MUC5B: variants seen among roughly 807,000 people sequenced by gnomAD.
The protein encoded by MUC5B is mucin-5B.
Under a neutral mutation model 376.9 loss-of-function variants are expected in MUC5B, and 116 were observed. The observed-to-expected ratio is 0.31, with a 90% CI of 0.26 to 0.36. MUC5B has a LOEUF of 0.36. Ranked by LOEUF, MUC5B falls within the 10% of genes least tolerant of loss-of-function variation. MUC5B has a pLI of 1.00. For missense variants in MUC5B, 7,165 were observed against 7,769.9 expected (o/e 0.92, Z 2.93); for synonymous variants, 3,517 against 3,390.9 (o/e 1.04, Z -1.29).
rs77996005 is a variant in MUC5B at position 1,237,056 on chromosome 11, C to T, written c.3189C>T (p.Asp1063=). ...NSWKLSPSCP[D]ALAPKDPCTA... is the part of the protein sequence containing the mutation. ...GGAAGCTCTCCCCCTCCTGCCCGGA[C>T]GCCCTGGCACCCAAGGACCCCTGCA... Residue 1063 remains aspartate, a synonymous_variant, in exon 25 of 49, where the codon GAC becomes GAT. Transcript: ENST00000529681. The T allele has an allele frequency of 1.0e-4, 164 of 1,581,194 alleles. No homozygotes were observed. Among genetic ancestry groups the T allele is most frequent in the South Asian group, 2.9e-4 (25 of 86,468 alleles).
At position 1,227,014 on chromosome 11, in the gene MUC5B, C is replaced by T; in HGVS notation, c.462-17C>T. 3.1e-6 allele frequency: 5 copies of T among 1,598,478 alleles called. No individual in the cohort carries two copies. Among genetic ancestry groups the T allele is most frequent in the Non-Finnish European group, 3.4e-6 (4 of 1,171,928 alleles). The stretch of plus-strand genomic sequence containing the variant: ...CAGGAGAGCGGGGCCCAGGGAGAGA[C>T]CCCGCTGTCTGCGCAGGGAGGAGCT... On this transcript the variant is annotated splice_polypyrimidine_tract_variant and intron_variant, in intron 4 of 48. Transcript: ENST00000529681.
In MUC5B at chr11:1,249,839, C is replaced by G; in HGVS notation, c.12959C>G (p.Ala4320Gly). The change falls in exon 31 of 49, where the codon GCT (alanine) becomes GGT (glycine). Residue 4320 changes from alanine to glycine, a missense_variant. Transcript: ENST00000529681. ...VLTSTATKSTATSVTPIPSST... is the reference protein window; with the variant it reads ...VLTSTATKSTGTSVTPIPSST... ...ACAAGCACAGCCACCAAATCCACAG[C>G]TACCAGCGTTACACCCATCCCCTCC... 6.2e-7 allele frequency: 1 copy of G among 1,613,712 alleles called. No homozygotes were observed. Among genetic ancestry groups the G allele is most frequent in the Non-Finnish European group, 8.5e-7 (1 of 1,179,812 alleles).
In MUC5B at chr11:1,233,269, G is replaced by T. The variant is rs1396680236; in HGVS notation, c.2321+1G>T. ...TGGTGCACGACGAGGGCGCCGTGTG[G>T]TAAGGGTCTGGGGGGAAAGCAGGCC... On this transcript the variant is annotated splice_donor_variant, in intron 18 of 48. Transcript: ENST00000529681. LOFTEE classifies it high-confidence loss of function. 1 of 1,556,288 alleles carries T rather than the reference G, an allele frequency of 6.4e-7. No homozygotes were observed. Among genetic ancestry groups the T allele is most frequent in the Non-Finnish European group, 8.7e-7 (1 of 1,152,780 alleles).
In MUC5B at chr11:1,250,013, C is replaced by T. The variant is rs780671376; in HGVS notation, c.13133C>T (p.Ser4378Phe). The change falls in exon 31 of 49, where the codon TCC (serine) becomes TTC (phenylalanine). Residue 4378 changes from serine (S) to phenylalanine (F), a missense_variant. Physicochemically the swap from Ser to Phe is radical, Grantham distance 155 (BLOSUM62 -2). Coordinates refer to ENST00000529681, the MANE Select transcript of MUC5B (RefSeq NM_002458.3). ...GCCACCACGACAAGGGCCACCAGTT[C>T]CACGTCCACCCCCTCCTCCACTCCG... ...TKATTTRATSSTSTPSSTPGT... is the reference protein window; with the variant it reads ...TKATTTRATSFTSTPSSTPGT... The T allele has an allele frequency of 6.2e-7, 1 of 1,612,456 alleles. No individual in the cohort carries two copies.
rs371328351 is a variant in MUC5B at position 1,241,125 on chromosome 11, G to A, written c.4245G>A (p.Pro1415=). ...LMCANSQQSP[P]LCHDYELRVL... ...GCGCCAACAGCCAACAGAGTCCCCC[G>A]CTCTGTCACGACTACGAGCTGCGGG... The change falls in exon 31 of 49, where the codon CCG becomes CCA. Residue 1415 remains proline, a synonymous_variant. Transcript: ENST00000529681. The A allele has an allele frequency of 3.8e-5, 61 of 1,611,430 alleles. No individual in the cohort carries two copies. The highest frequency in any genetic ancestry group is 4.7e-5 in the Non-Finnish European group (56 of 1,179,098).
intron 29 of MUC5B, 34 bp from the exon 30 acceptor site, chr11:1,240,144 A>G (rs1590175772): frequency 6.4e-7 from 1 of 1,573,430 alleles, no homozygotes; most frequent in Non-Finnish European, 8.7e-7. Context: ...AGGGGCTCGG[A>G]GGCCCTGGGT....
At position 1,247,299 on chromosome 11, in the gene MUC5B, G is replaced by A. The variant is rs778436877; in HGVS notation, c.10419G>A (p.Ser3473=). ...ACACGGTGCGCACAGCCTGGACTTCGGCCACCTCGGGCATCTTGGGCACCA... is the reference window on the plus strand; with the variant it reads ...ACACGGTGCGCACAGCCTGGACTTCAGCCACCTCGGGCATCTTGGGCACCA... ...SPHTVRTAWT[S]ATSGILGTTH... The change falls in exon 31 of 49, where the codon TCG becomes TCA. Residue 3473 remains serine (S), a synonymous_variant. Coordinates refer to ENST00000529681, the MANE Select transcript of MUC5B (RefSeq NM_002458.3). 27 of 1,611,344 alleles carry A rather than the reference G, an allele frequency of 1.7e-5. No homozygotes were observed. Among genetic ancestry groups the A allele is most frequent in the Middle Eastern group, 2.1e-4 (1 of 4,670 alleles).
chr11:1,252,613 C>T (rs1175613573), intron 32 of MUC5B, 89 bp downstream of exon 32: 40 of 1,405,928 alleles, frequency 2.8e-5, no homozygotes, highest in Admixed American at 1.9e-4. Flanking sequence ...TCCCGAGGCC[C>T]GTCTCAGTGA....
At chr11:1,238,672 G>A (rs750112917) in intron 25 of MUC5B, among the ~76,000 whole-genome samples, 199 bp from the exon 26 acceptor site, 1 of 152,192 alleles carries the variant, frequency 6.6e-6, no homozygotes, top group Non-Finnish European at 1.5e-5. Flanking sequence ...AGGTGGACGA[G>A]GGCACAGGTG....
At position 1,250,884 on chromosome 11, in the gene MUC5B, C is replaced by G. The variant is rs754993746; in HGVS notation, c.14004C>G (p.Ser4668=). 1 of 1,590,152 alleles carries G rather than the reference C, an allele frequency of 6.3e-7. No individual in the cohort carries two copies. Among genetic ancestry groups the G allele is most frequent in the Admixed American group, 1.8e-5 (1 of 55,366 alleles). Residue 4668 remains serine (S), a synonymous_variant, in exon 31 of 49, where the codon TCC becomes TCG. Transcript: ENST00000529681. ...TVATGSMATP[S]SSTQTSGTPP... is the part of the protein sequence containing the mutation. ...CCACTGGTTCTATGGCAACACCCTCCTCTAGCACACAGACCAGTGGTACTC... is the reference window on the plus strand; with the variant it reads ...CCACTGGTTCTATGGCAACACCCTCGTCTAGCACACAGACCAGTGGTACTC...
rs369715949 is a variant in MUC5B at position 1,246,174 on chromosome 11, C to T, written c.9294C>T (p.Ser3098=). The T allele has an allele frequency of 1.1e-5, 17 of 1,612,858 alleles. No homozygotes were observed. The highest frequency in any genetic ancestry group is 1.3e-5 in the Non-Finnish European group (15 of 1,179,608). The change falls in exon 31 of 49, where the codon TCC becomes TCT. Residue 3098 remains serine, a synonymous_variant. Transcript: ENST00000529681. The part of the protein sequence containing the change: ...MATMSTIHPS[S]TPETTHTSTV... ...CCATGTCCACAATCCACCCCTCCTC[C>T]ACTCCGGAGACCACCCACACCTCCA... is the stretch of plus-strand genomic sequence containing the variant.
chr11:1,254,866 C>G lies in MUC5B; in HGVS notation c.15650C>G (p.Thr5217Ser), dbSNP rs762219674. The G allele has an allele frequency of 5.6e-6, 9 of 1,611,556 alleles. No homozygotes were observed. The highest frequency in any genetic ancestry group is 7.6e-6 in the Non-Finnish European group (9 of 1,179,674). The change falls in exon 35 of 49, where the codon ACC becomes AGC. Residue 5217 changes from threonine to serine, a missense_variant. Coordinates refer to ENST00000529681, the MANE Select transcript of MUC5B (RefSeq NM_002458.3). Reference sequence around the variant, plus strand: ...CCCTACAGCCTCTTCCACAACAACACCGAGGGCCAGTGCGGTGAGTGGGCG... The same window carrying G: ...CCCTACAGCCTCTTCCACAACAACAGCGAGGGCCAGTGCGGTGAGTGGGCG... ...RLPYSLFHNN[T>S]EGQCGTCTNN...
chr11:1,256,902 C>T (rs1013105252), intron 39 of MUC5B, 131 bp downstream of exon 39: 18 of 713,698 alleles, frequency 2.5e-5, no homozygotes, highest in Non-Finnish European at 3.8e-5. Flanking sequence ...TGTTCTGCCC[C>T]ACCAGAGCAT....
intron 5 of MUC5B, 72 bp downstream of exon 5, chr11:1,227,217 C>G: frequency 6.4e-7 from 1 of 1,572,530 alleles, no homozygotes; most frequent in Non-Finnish European, 8.7e-7. Flanking sequence ...CGAGGGATGC[C>G]TCCCTGGGCT....
rs575001937 is a variant in MUC5B at position 1,239,550 on chromosome 11, C to T, written c.3567C>T (p.Asp1189=). 4.7e-5 allele frequency: 75 copies of T among 1,579,268 alleles called. 1 individual carries two copies. The South Asian group carries it at 8.6e-4, about 18-fold the overall frequency. Reference sequence around the variant, plus strand: ...ACCCCAGTGGGCACTGCCTGGTGGACCTGCCTGGCCTGGAAGGTGAGGGGC... The same window carrying T: ...ACCCCAGTGGGCACTGCCTGGTGGATCTGCCTGGCCTGGAAGGTGAGGGGC... ...CRNPSGHCLV[D]LPGLEGCYPK... is the part of the protein sequence containing the mutation. Residue 1189 remains aspartate, a synonymous_variant, in exon 27 of 49, where the codon GAC becomes GAT. Coordinates refer to ENST00000529681, the MANE Select transcript of MUC5B (RefSeq NM_002458.3).
At chr11:1,252,313 C>T (rs1429693100) in intron 31 of MUC5B, 30 bp from the exon 32 acceptor site, 3 of 1,521,778 alleles carry the variant, frequency 2.0e-6, no homozygotes, top group Admixed American at 2.1e-5. Context: ...CTGGGAGTGG[C>T]TTATCTTTCT....
Position 1,253,236 on chromosome 11 carries a change from C to T in MUC5B, c.15217+256C>T, listed in dbSNP as rs1311317478. On this transcript the variant is annotated intron_variant, in intron 33 of 48. Transcript: ENST00000529681. The surrounding 1 kb of genome is among the most constrained non-coding windows in gnomAD (Gnocchi z 4.3). The stretch of plus-strand genomic sequence containing the variant: ...TGTCTTGGGCCTCAGTGGTGCACGT[C>T]GTGAGAGCTGTTAGTATGCAGGCTC... Among the ~76,000 whole-genome samples, 3 of 152,176 alleles carry T rather than the reference C, an allele frequency of 2.0e-5. No homozygotes were observed. Among genetic ancestry groups the T allele is most frequent in the Admixed American group, 6.5e-5 (1 of 15,280 alleles).
rs1234415552 is a variant in MUC5B, at chr11:1,249,054, C to A, written c.12174C>A (p.Thr4058=). 5.0e-6 allele frequency: 8 copies of A among 1,610,814 alleles called. No individual in the cohort carries two copies. The highest frequency in any genetic ancestry group is 5.9e-6 in the Non-Finnish European group (7 of 1,179,434). ...TSHTPAATTG[T]TQHSTPALSS... Reference sequence around the variant, plus strand: ...ACACCCCAGCAGCAACCACCGGTACCACCCAGCACTCGACTCCAGCCCTGT... The same window carrying A: ...ACACCCCAGCAGCAACCACCGGTACAACCCAGCACTCGACTCCAGCCCTGT... Residue 4058 remains threonine (T), a synonymous_variant, in exon 31 of 49, where the codon ACC becomes ACA. Transcript: ENST00000529681.
Position 1,241,194 on chromosome 11 carries a change from A to C in MUC5B, c.4314A>C (p.Pro1438=), listed in dbSNP as rs1862274689. 6.3e-7 allele frequency: 1 copy of C among 1,594,606 alleles called. No individual in the cohort carries two copies. Among genetic ancestry groups the C allele is most frequent in the Admixed American group, 1.8e-5 (1 of 56,986 alleles). ...EYVPCGPSPA[P]GTSPQPSLSA... ...TGCCCTGTGGCCCCTCCCCGGCCCC[A>C]GGCACCAGCCCTCAGCCCTCCCTCA... Residue 1438 remains proline, a synonymous_variant, in exon 31 of 49, where the codon CCA becomes CCC. Coordinates refer to ENST00000529681, the MANE Select transcript of MUC5B (RefSeq NM_002458.3).
Sources: gnomAD v4.1 joint callset for allele counts (sites outside exome capture counted in the v4.1 genomes callset) on GRCh38, gnomAD v4.1.1 for gene constraint, Gnocchi (gnomAD v3.1) non-coding constraint, MANE v1.5 for transcripts, NCBI Gene and HGNC (gene_info 2026-07-23, HGNC 2026-07-21) for gene names.